SCUBE1: variants seen among roughly 807,000 people sequenced by gnomAD.
SCUBE1 encodes the protein signal peptide, CUB and EGF-like domain-containing protein 1.
A neutral mutation model predicts 124.4 loss-of-function variants in SCUBE1; 59 were observed. The ratio of observed to expected loss-of-function variants is 0.47; its 90% CI spans 0.38 to 0.59. The LOEUF (loss-of-function observed/expected upper bound fraction) is 0.59, where lower values mean the gene tolerates loss of function less well. Ranked by LOEUF, SCUBE1 falls within the 20% of genes least tolerant of loss-of-function variation. SCUBE1 has a pLI of 0.00. For missense variants in SCUBE1, 1,150 were observed against 1,371.2 expected, an observed-to-expected ratio of 0.84 and a Z score of 2.55; for synonymous variants, 545 against 550.9, an observed-to-expected ratio of 0.99 and a Z score of 0.15.
At chr22:43,322,946 T>A (rs1376385943) in intron 2 of SCUBE1, among the ~76,000 whole-genome samples, 1 of 152,226 alleles carries the variant, frequency 6.6e-6, no homozygotes, top group Admixed American at 6.5e-5. Context: ...AACTTCATTT[T>A]ATGGTTGAAC....
chr22:43,214,983 A>C (rs1281739350), intron 15 of SCUBE1, among the ~76,000 whole-genome samples: 1 of 152,026 alleles, frequency 6.6e-6, no homozygotes, highest in Non-Finnish European at 1.5e-5. Flanking sequence ...GAACCCCCCC[A>C]CCCATAGATT....
chr22:43,228,299 T>C (rs139013), intron 9 of SCUBE1, among the ~76,000 whole-genome samples: 115,394 of 152,098 alleles, frequency 0.76, 44,637 homozygotes, highest in African/African-American at 0.91. Flanking sequence ...ACATCTAGAA[T>C]CTTCCTCTTT....
Position 43,218,656 on chromosome 22 carries a change from C to T in SCUBE1, c.1688-198G>A, listed in dbSNP as rs528693108. ...AGGCTGCGGACCTGGGAGGCAGGGC[C>T]TGCCCACGGCCACGCAGCAGATCTG... On this transcript the variant is annotated intron_variant, in intron 14 of 21. Coordinates refer to ENST00000360835, the MANE Select transcript of SCUBE1 (RefSeq NM_173050.5). Among the ~76,000 whole-genome samples the T allele has an allele frequency of 2.1e-4, 32 of 152,356 alleles. No individual in the cohort carries two copies. The East Asian group carries it at 4.2e-3, about 20-fold the overall frequency.
rs368116346 is a variant in SCUBE1, at chr22:43,251,902, G to A, written c.727+6317C>T. ...AAGACCTGGAGCTGACCAGCGTGGC[G>A]CGTAGCACCCCATCAGCCTTGCCAC... is the stretch of plus-strand genomic sequence containing the variant. On this transcript the variant is annotated intron_variant, in intron 6 of 21. Transcript: ENST00000360835. Among the ~76,000 whole-genome samples, 451 of 152,324 alleles carry A rather than the reference G, an allele frequency of 3.0e-3. 4 individuals are homozygous for A. The highest frequency in any genetic ancestry group is 0.01 in the African/African-American group (422 of 41,574).
rs750936178 is a variant in SCUBE1, at chr22:43,202,148, G to A, written c.*1849C>T. Reference sequence around the variant, plus strand: ...GCCCGCTACTGTGGGCACATGTGACGGCGTGAGTAATTGCTGAGCTCCGGG... The same window carrying A: ...GCCCGCTACTGTGGGCACATGTGACAGCGTGAGTAATTGCTGAGCTCCGGG... On this transcript the variant is annotated 3_prime_UTR_variant, in exon 22 of 22. Coordinates refer to ENST00000360835, the MANE Select transcript of SCUBE1 (RefSeq NM_173050.5). The A allele has an allele frequency of 1.3e-5, 2 of 152,238 alleles. No individual in the cohort carries two copies. Among genetic ancestry groups the A allele is most frequent in the Non-Finnish European group, 2.9e-5 (2 of 68,054 alleles). 9.4% of individuals were successfully genotyped at this position (152,238 alleles called of 1,614,324 possible).
chr22:43,308,982 A>G (rs917851638), intron 3 of SCUBE1, among the ~76,000 whole-genome samples: 1 of 152,260 alleles, frequency 6.6e-6, no homozygotes, highest in Non-Finnish European at 1.5e-5. Flanking sequence ...AACAGACAGT[A>G]AGTACAAGAA....
intron 16 of SCUBE1, 100 bp from the exon 17 acceptor site, chr22:43,212,692 G>T: frequency 1.2e-5 from 12 of 982,198 alleles, no homozygotes; most frequent in East Asian, 5.0e-5. Flanking sequence ...CCCGGCCCTG[G>T]AAAAGGTACT....
At chr22:43,261,212 CTT>C (rs749180621) in intron 5 of SCUBE1, among the ~76,000 whole-genome samples, 46 of 152,256 alleles carry the variant, frequency 3.0e-4, no homozygotes, top group Non-Finnish European at 5.6e-4. Context: ...GGGCAGAAGA[CTT>C]CTCTGCAGCT....
intron 19 of SCUBE1, among the ~76,000 whole-genome samples, chr22:43,209,037 G>A (rs1157187171): frequency 6.6e-6 from 1 of 152,222 alleles, no homozygotes; most frequent in Non-Finnish European, 1.5e-5. Flanking sequence ...GGGAACGGGT[G>A]GGGAATGTGG....
At chr22:43,218,123 C>T in intron 15 of SCUBE1, 132 bp downstream of exon 15, 1 of 813,166 alleles carries the variant, frequency 1.2e-6, no homozygotes, top group Non-Finnish European at 2.0e-6. Flanking sequence ...GTCCTTCTCC[C>T]CGGCAGGCCT....
At position 43,210,357 on chromosome 22, in the gene SCUBE1, C is replaced by G. The variant is rs1244601842; in HGVS notation, c.2384-117G>C. On this transcript the variant is annotated intron_variant, in intron 18 of 21. Coordinates refer to ENST00000360835, the MANE Select transcript of SCUBE1 (RefSeq NM_173050.5). This position sits in a 1 kb window ranked among gnomAD's most constrained non-coding sequence, Gnocchi z 4.5. ...AGGGCTGGAAGGTGCTCTTGTCCCC[C>G]CCCACACTAGCCCTCGGACCCTGAG... 8 of 851,008 alleles carry G rather than the reference C, an allele frequency of 9.4e-6. No homozygotes were observed. The East Asian group carries it at 1.5e-4, about 16-fold the overall frequency. 52.7% of individuals were successfully genotyped at this position (851,008 alleles called of 1,614,324 possible).
At position 43,200,740 on chromosome 22, in the gene SCUBE1, A is replaced by G. The variant is rs1034483870; in HGVS notation, c.*3257T>C. 3 of 152,232 alleles carry G rather than the reference A, an allele frequency of 2.0e-5. No homozygotes were observed. The highest frequency in any genetic ancestry group is 3.9e-4 in the East Asian group (2 of 5,180). The allele number at this position is 152,232 out of a possible 1,614,324, so 9.4% of individuals were successfully genotyped here. ...GGCTGCTGGCGACCTCGCGCTCCTCATGGCCTCTCCCGTGGGCTGGGAGCT... is the reference window on the plus strand; with the variant it reads ...GGCTGCTGGCGACCTCGCGCTCCTCGTGGCCTCTCCCGTGGGCTGGGAGCT... On this transcript the variant is annotated 3_prime_UTR_variant, in exon 22 of 22. Transcript: ENST00000360835.
In SCUBE1 at chr22:43,203,930, C is replaced by A. The variant is rs1325924663; in HGVS notation, c.*67G>T. 4.6e-6 allele frequency: 7 copies of A among 1,536,258 alleles called. No homozygotes were observed. The highest frequency in any genetic ancestry group is 6.3e-6 in the Non-Finnish European group (7 of 1,116,850). On this transcript the variant is annotated 3_prime_UTR_variant, in exon 22 of 22. Transcript: ENST00000360835. Reference sequence around the variant, plus strand: ...AGGTGGTGTGGAGGCCCATGCAGCTCCCACTGTGGAGGGCAGGTGCACCCT... The same window carrying A: ...AGGTGGTGTGGAGGCCCATGCAGCTACCACTGTGGAGGGCAGGTGCACCCT...
Position 43,255,467 on chromosome 22 carries a change from G to C in SCUBE1, c.727+2752C>G. The C allele has an allele frequency of 1.9e-6, 3 of 1,545,284 alleles. No individual in the cohort carries two copies. The highest frequency in any genetic ancestry group is 2.6e-6 in the Non-Finnish European group (3 of 1,142,296). On this transcript the variant is annotated intron_variant, in intron 6 of 21. Transcript: ENST00000360835. This position sits in a 1 kb window ranked among gnomAD's most constrained non-coding sequence, Gnocchi z 4.7. Reference sequence around the variant, plus strand: ...ACACACAAGTGCAAGTACGACAAAGGAAGTGGAAGAAAAGTGTTACCCATG... The same window carrying C: ...ACACACAAGTGCAAGTACGACAAAGCAAGTGGAAGAAAAGTGTTACCCATG...
At chr22:43,233,793 C>T (rs1922651613) in intron 7 of SCUBE1, among the ~76,000 whole-genome samples, 1 of 152,192 alleles carries the variant, frequency 6.6e-6, no homozygotes, top group African/African-American at 2.4e-5. Flanking sequence ...TGTTCCCAGG[C>T]AACATCCCCC....
chr22:43,280,335 G>A (rs1270043423), intron 4 of SCUBE1, among the ~76,000 whole-genome samples: 1 of 151,500 alleles, frequency 6.6e-6, no homozygotes, highest in Admixed American at 6.6e-5. Flanking sequence ...ACCCGGGGCA[G>A]ACAGAGGGCT....
At chr22:43,333,765 C>G (rs1007122048) in intron 2 of SCUBE1, among the ~76,000 whole-genome samples, 3 of 152,220 alleles carry the variant, frequency 2.0e-5, no homozygotes, top group African/African-American at 7.2e-5. Flanking sequence ...AATTCTAGCT[C>G]TCCTCTATCA....
intron 4 of SCUBE1, among the ~76,000 whole-genome samples, chr22:43,280,766 T>TCCTCCTC (rs1569009869): frequency 9.4e-6 from 1 of 106,656 alleles, no homozygotes; most frequent in African/African-American, 3.9e-5. Context: ...CCTCCCTCAT[T>TCCTCCTC]GGCCACCCTC....
chr22:43,258,474 C>A lies in SCUBE1; in HGVS notation c.611-139G>T. Reference sequence around the variant, plus strand: ...CAGTGGGTAGGGTCATGAGGCTCGCCGGGCAACGGGGGAGCATTTCCCTGC... The same window carrying A: ...CAGTGGGTAGGGTCATGAGGCTCGCAGGGCAACGGGGGAGCATTTCCCTGC... On this transcript the variant is annotated intron_variant, in intron 5 of 21. Coordinates refer to ENST00000360835, the MANE Select transcript of SCUBE1 (RefSeq NM_173050.5). The surrounding 1 kb of genome is among the most constrained non-coding windows in gnomAD (Gnocchi z 5.0). 1.5e-6 allele frequency: 1 copy of A among 683,030 alleles called. No individual in the cohort carries two copies. 42.3% of individuals were successfully genotyped at this position (683,030 alleles called of 1,614,324 possible). A position where few individuals can be genotyped will look rare whatever the true frequency, so the allele number is the denominator to read the frequency against.
Sources: gnomAD v4.1 joint callset for allele counts (sites outside exome capture counted in the v4.1 genomes callset) on GRCh38, gnomAD v4.1.1 for gene constraint, Gnocchi (gnomAD v3.1) non-coding constraint, MANE v1.5 for transcripts, NCBI Gene and HGNC (gene_info 2026-07-23, HGNC 2026-07-21) for gene names.